LOXL2: variants seen among roughly 807,000 people sequenced by gnomAD.
LOXL2 encodes the protein lysyl oxidase like 2, also known as lysyl oxidase homolog 2.
Under a neutral mutation model 93.0 loss-of-function variants are expected in LOXL2, and 70 were observed. That is an observed-to-expected ratio of 0.75 (90% CI 0.62 to 0.92). The LOEUF is 0.92. LOXL2 is among the 40% of genes least tolerant of loss of function. The pLI is 0.00. For synonymous variants in LOXL2, 438 were observed against 413.2 expected (o/e 1.06, Z -0.73); for missense variants, 973 against 1,054.9 (o/e 0.92, Z 1.08).
chr8:23,380,064 T>C (rs960879604), intron 1 of LOXL2, among the ~76,000 whole-genome samples: 10 of 152,200 alleles, frequency 6.6e-5, no homozygotes, highest in Non-Finnish European at 1.5e-4. Context: ...GCTGTTCCTA[T>C]TTGGCCATCT....
chr8:23,309,890 T>G lies in LOXL2; in HGVS notation c.1658A>C (p.Asn553Thr). 6.5e-7 allele frequency: 1 copy of G among 1,539,352 alleles called. No individual in the cohort carries two copies. The highest frequency in any genetic ancestry group is 8.8e-7 in the Non-Finnish European group (1 of 1,136,934). Reference sequence around the variant, plus strand: ...GGTGGTCTGCTGCACCATCTCCGCATTGAGGACCAGGTCAGGGGCGGCTGC... The same window carrying G: ...GGTGGTCTGCTGCACCATCTCCGCAGTGAGGACCAGGTCAGGGGCGGCTGC... ...CSETAPDLVLNAEMVQQTTYL... is the reference protein window; with the variant it reads ...CSETAPDLVLTAEMVQQTTYL... The change falls in exon 10 of 14, where the codon AAT becomes ACT. Residue 553 changes from asparagine (N) to threonine (T), a missense_variant. Transcript: ENST00000389131.
Position 23,328,518 on chromosome 8 carries a change from G to GCGGCC in LOXL2, c.1009_1013dup (p.Val339AlafsTer67). 6.2e-7 allele frequency: 1 copy of GCGGCC among 1,614,048 alleles called. No individual in the cohort carries two copies. The highest frequency in any genetic ancestry group is 8.5e-7 in the Non-Finnish European group (1 of 1,180,008). ...ATTCTCCATTTTTGAGCACCTCCACGCGGCCCTCCCCGATGTAGGCACCGC... is the reference window on the plus strand; with the variant it reads ...ATTCTCCATTTTTGAGCACCTCCACGCGGCCCGGCCCTCCCCGATGTAGGCACCGC... On this transcript the variant is annotated frameshift_variant, in exon 6 of 14. Coordinates refer to ENST00000389131, the MANE Select transcript of LOXL2 (RefSeq NM_002318.3). LOFTEE classifies it high-confidence loss of function.
chr8:23,371,210 C>T (rs7843683), intron 1 of LOXL2: 38,946 of 151,836 alleles, frequency 0.26, 5,290 homozygotes, highest in African/African-American at 0.36. Flanking sequence ...GTGAAGAGAA[C>T]GAAGGTAAAA....
intron 1 of LOXL2, among the ~76,000 whole-genome samples, chr8:23,386,468 G>A (rs1425956632): frequency 1.3e-5 from 2 of 152,162 alleles, no homozygotes; most frequent in African/African-American, 4.8e-5. Flanking sequence ...AAATATGTAA[G>A]TTCTCCATCT....
intron 1 of LOXL2, among the ~76,000 whole-genome samples, chr8:23,385,048 A>T (rs2117230058): frequency 6.8e-6 from 1 of 147,868 alleles, no homozygotes; most frequent in South Asian, 2.1e-4. Flanking sequence ...TGGAGGGAGC[A>T]ATTCCACAGC....
chr8:23,323,469 A>G (rs1293073670), intron 6 of LOXL2, among the ~76,000 whole-genome samples: 2 of 151,898 alleles, frequency 1.3e-5, no homozygotes, highest in Non-Finnish European at 2.9e-5. Flanking sequence ...TTGAAGAAAA[A>G]CCTCCAGCTT....
intron 1 of LOXL2, among the ~76,000 whole-genome samples, chr8:23,387,368 G>A (rs1445286567): frequency 2.0e-5 from 3 of 152,134 alleles, no homozygotes; most frequent in Non-Finnish European, 2.9e-5. Flanking sequence ...GGGGATCGAG[G>A]TATTCCTTAT....
chr8:23,386,224 T>C (rs1804757818), intron 1 of LOXL2, among the ~76,000 whole-genome samples: 1 of 152,108 alleles, frequency 6.6e-6, no homozygotes. Context: ...AAATCCCATC[T>C]CTACTAAAAA....
intron 7 of LOXL2, 37 bp from the exon 8 acceptor site, chr8:23,320,089 G>A: frequency 6.2e-7 from 1 of 1,607,470 alleles, no homozygotes; most frequent in Non-Finnish European, 8.5e-7. Context: ...CACCAAGAGG[G>A]ACAAGGGAGC....
chr8:23,344,031 C>T (rs573968340), intron 3 of LOXL2, among the ~76,000 whole-genome samples: 16 of 152,358 alleles, frequency 1.1e-4, no homozygotes, highest in Admixed American at 6.5e-4. Context: ...AGTGCAGGCT[C>T]GCTGCAGGGA....
At chr8:23,346,163 T>TAA (rs1563197461) in intron 3 of LOXL2, among the ~76,000 whole-genome samples, 4 of 74,126 alleles carry the variant, frequency 5.4e-5, no homozygotes, top group Non-Finnish European at 1.1e-4. Context: ...AAATAAAAAA[T>TAA]AAAATAAAAT....
chr8:23,399,560 G>A (rs953052879), intron 1 of LOXL2, among the ~76,000 whole-genome samples: 1 of 152,148 alleles, frequency 6.6e-6, no homozygotes, highest in Non-Finnish European at 1.5e-5. Flanking sequence ...CCCTCACGAT[G>A]GTCCTGCATC....
At chr8:23,385,602 A>G (rs1804748186) in intron 1 of LOXL2, among the ~76,000 whole-genome samples, 1 of 152,062 alleles carries the variant, frequency 6.6e-6, no homozygotes, top group African/African-American at 2.4e-5. Flanking sequence ...ATATTTATTA[A>G]TCATTAATCA....
chr8:23,346,181 AT>A (rs1803979931), intron 3 of LOXL2, among the ~76,000 whole-genome samples: 3 of 117,542 alleles, frequency 2.6e-5, no homozygotes, highest in African/African-American at 8.3e-5. Context: ...AATAAATAAA[AT>A]AATAAAATAA....
At chr8:23,378,478 C>T (rs999771707) in intron 1 of LOXL2, among the ~76,000 whole-genome samples, 44 of 152,270 alleles carry the variant, frequency 2.9e-4, no homozygotes, top group African/African-American at 9.4e-4. Flanking sequence ...CGAATTTGAA[C>T]GTTGGCCTGC....
intron 9 of LOXL2, among the ~76,000 whole-genome samples, chr8:23,310,983 T>C (rs1414896774): frequency 6.6e-6 from 1 of 152,274 alleles, no homozygotes; most frequent in Non-Finnish European, 1.5e-5. Context: ...AAATGCCATA[T>C]ATGAATCAGT....
At chr8:23,330,622 G>T (rs969405184) in intron 5 of LOXL2, among the ~76,000 whole-genome samples, 1 of 152,094 alleles carries the variant, frequency 6.6e-6, no homozygotes, top group African/African-American at 2.4e-5. Flanking sequence ...AGGCACGCTC[G>T]CTCTGTTTTA....
At chr8:23,306,089 G>A (rs967509553) in intron 10 of LOXL2, among the ~76,000 whole-genome samples, 10 of 152,184 alleles carry the variant, frequency 6.6e-5, no homozygotes, top group Non-Finnish European at 1.2e-4. Context: ...GTGATTACAG[G>A]TGTGAGCCAC....
At chr8:23,402,716 G>A (rs575734096) in intron 1 of LOXL2, 1 of 151,680 alleles carries the variant, frequency 6.6e-6, no homozygotes, top group Non-Finnish European at 1.5e-5. Context: ...AGAGGTATGG[G>A]TTTCAGTCCC....
Sources: gnomAD v4.1 joint callset for allele counts (sites outside exome capture counted in the v4.1 genomes callset) on GRCh38, gnomAD v4.1.1 for gene constraint, MANE v1.5 for transcripts, NCBI Gene and HGNC (gene_info 2026-07-23, HGNC 2026-07-21) for gene names.